Variants in CRHBP observed in about 807,000 individuals in gnomAD.
The protein encoded by CRHBP is corticotropin releasing hormone binding protein.
In CRHBP, 19 loss-of-function variants were observed where a neutral mutation model predicts 34.9. That is an observed-to-expected ratio of 0.55 (90% CI 0.38 to 0.80). The LOEUF is 0.80. CRHBP is among the 30% of genes least tolerant of loss of function. CRHBP has a pLI of 0.00. For missense variants in CRHBP, 328 were observed against 409.2 expected, an observed-to-expected ratio of 0.80 and a Z score of 1.71; for synonymous variants, 154 against 153.4, an observed-to-expected ratio of 1.00 and a Z score of -0.03.
At chr5:76,953,858 C>A (rs1353608092) in intron 2 of CRHBP, among the ~76,000 whole-genome samples, 164 bp downstream of exon 2, 1 of 152,090 alleles carries the variant, frequency 6.6e-6, no homozygotes, top group East Asian at 1.9e-4. Context: ...GCGCCAGGAG[C>A]GGGAGAGGGT....
intron 3 of CRHBP, chr5:76,976,584 G>C (rs1462936799): frequency 6.6e-6 from 1 of 152,214 alleles, no homozygotes; most frequent in Non-Finnish European, 1.5e-5. Context: ...ACTGCTCTGA[G>C]CAGCTTCGTT....
Position 76,954,117 on chromosome 5 carries a change from G to A in CRHBP, c.264G>A (p.Glu88=), listed in dbSNP as rs34347676. 6.2e-3 allele frequency: 10,069 copies of A among 1,614,016 alleles called. 502 individuals carry two copies. In the African/African-American group the frequency reaches 0.11, roughly 18 times the overall value. ...QLHCAAFFIS[E]PEEFITIHYD... is the part of the protein sequence containing the mutation. ...ACTGCGCAGCCTTCTTCATCAGCGA[G>A]CCCGAGGAGTTCATTACCATCCACT... The change falls in exon 3 of 7, where the codon GAG becomes GAA. Residue 88 remains glutamate, a synonymous_variant. Coordinates refer to ENST00000274368, the MANE Select transcript of CRHBP (RefSeq NM_001882.4).
chr5:76,957,076 C>G (rs907914587), intron 4 of CRHBP, among the ~76,000 whole-genome samples: 3 of 152,144 alleles, frequency 2.0e-5, no homozygotes, highest in Non-Finnish European at 4.4e-5. Context: ...CGTGGTGGCT[C>G]ATGCCTGTAA....
chr5:76,961,709 T>A (rs974626492), intron 5 of CRHBP, among the ~76,000 whole-genome samples: 1 of 152,174 alleles, frequency 6.6e-6, no homozygotes, highest in Non-Finnish European at 1.5e-5. Context: ...GCTGTTTAGT[T>A]CCAGTTGTAT....
intron 4 of CRHBP, 124 bp from the exon 5 acceptor site, chr5:76,958,617 T>G: frequency 9.2e-7 from 1 of 1,086,750 alleles, no homozygotes; most frequent in Non-Finnish European, 1.3e-6. Flanking sequence ...GTATATATGC[T>G]CTCTTCCTGG....
intron 6 of CRHBP, 48 bp from the exon 7 acceptor site, chr5:76,968,680 G>A: frequency 6.4e-7 from 1 of 1,560,062 alleles, no homozygotes; most frequent in Non-Finnish European, 8.7e-7. Flanking sequence ...TGATGACTGT[G>A]TGGTTTCTAA....
chr5:76,973,043 G>A (rs1179199037), downstream of CRHBP, among the ~76,000 whole-genome samples: 1 of 152,186 alleles, frequency 6.6e-6, no homozygotes, highest in East Asian at 1.9e-4. Context: ...CAAGAAGCCT[G>A]CATCTCTGAA....
At chr5:76,956,292 G>T (rs541256247) in intron 4 of CRHBP, among the ~76,000 whole-genome samples, 1 of 152,108 alleles carries the variant, frequency 6.6e-6, no homozygotes, top group Non-Finnish European at 1.5e-5. Flanking sequence ...GTGGTAGACC[G>T]ATGTCATGCC....
chr5:76,973,343 C>A (rs1017886436), downstream of CRHBP, among the ~76,000 whole-genome samples: 1 of 152,194 alleles, frequency 6.6e-6, no homozygotes, highest in South Asian at 2.1e-4. Context: ...AACCTTTCCA[C>A]ATTCTTTAAA....
chr5:76,971,686 T>A (rs1446871813), downstream of CRHBP, among the ~76,000 whole-genome samples: 1 of 152,234 alleles, frequency 6.6e-6, no homozygotes, highest in East Asian at 1.9e-4. Context: ...GGCACTGCAC[T>A]GCTCCAGGAC....
At position 76,968,820 on chromosome 5, in the gene CRHBP, G is replaced by C. The variant is rs771552936; in HGVS notation, c.904G>C (p.Glu302Gln). The C allele has an allele frequency of 2.5e-6, 4 of 1,614,170 alleles. No homozygotes were observed. The highest frequency in any genetic ancestry group is 3.4e-6 in the Non-Finnish European group (4 of 1,180,020). ...NRVTFEYRQL[E>Q]PYELENPNGN... is the part of the protein sequence containing the mutation. ...TGTGACTTTTGAGTATCGTCAGCTG[G>C]AGCCGTACGAGCTGGAAAACCCAAA... The change falls in exon 7 of 7, where the codon GAG (glutamate) becomes CAG (glutamine). Residue 302 changes from glutamate to glutamine, a missense_variant. Around this residue, in one of 3 missense-constraint regions of CRHBP, gnomAD observed 144 missense variants for 216.7 expected, o/e 0.66. Coordinates refer to ENST00000274368, the MANE Select transcript of CRHBP (RefSeq NM_001882.4).
intron 3 of CRHBP, among the ~76,000 whole-genome samples, chr5:76,979,515 T>TACTAAAAATAC (rs1746087459): frequency 6.6e-6 from 1 of 152,034 alleles, no homozygotes; most frequent in African/African-American, 2.4e-5. Flanking sequence ...CGCACCCAGC[T>TACTAAAAATAC]AGTTTTTGTA....
rs569805944 is a variant in CRHBP, at chr5:76,954,989, A to C, written c.334-664A>C. On this transcript the variant is annotated intron_variant, in intron 3 of 6. Coordinates refer to ENST00000274368, the MANE Select transcript of CRHBP (RefSeq NM_001882.4). ...TAATGTGGACTAGATTGGACTCGTTAAACTGGAGACCTGTGGTGATTTTGA... is the reference window on the plus strand; with the variant it reads ...TAATGTGGACTAGATTGGACTCGTTCAACTGGAGACCTGTGGTGATTTTGA... Among the ~76,000 whole-genome samples, 3 of 152,322 alleles carry C rather than the reference A, an allele frequency of 2.0e-5. No individual in the cohort carries two copies. The East Asian group carries it at 5.8e-4, about 29-fold the overall frequency.
chr5:76,962,300 G>T (rs941548798), intron 5 of CRHBP, among the ~76,000 whole-genome samples: 7 of 152,148 alleles, frequency 4.6e-5, no homozygotes, highest in Admixed American at 4.6e-4. Flanking sequence ...TTATGAAAAT[G>T]CAGCAGAACA....
chr5:76,974,699 A>G (rs552978441), intron 2 of CRHBP, among the ~76,000 whole-genome samples: 3 of 152,316 alleles, frequency 2.0e-5, no homozygotes, highest in Admixed American at 6.5e-5. Flanking sequence ...TGTATCTTCA[A>G]ATAAGTAGGT....
chr5:76,958,819 C>T lies in CRHBP; in HGVS notation c.623C>T (p.Ser208Phe), dbSNP rs1455434127. Residue 208 changes from serine to phenylalanine, a missense_variant, in exon 5 of 7, where the codon TCC becomes TTC. By Grantham distance (155) the Ser-to-Phe change is radical (BLOSUM62 -2). Transcript: ENST00000274368. ...CACCAGCATCGAAACTGCAGCTTCT[C>T]CATAATTTATCCTGTGGTGATCAAA... Reference protein sequence around the residue: ...VPHQHRNCSFSIIYPVVIKIS... With the variant: ...VPHQHRNCSFFIIYPVVIKIS... 2 of 1,614,000 alleles carry T rather than the reference C, an allele frequency of 1.2e-6. No individual in the cohort carries two copies. The highest frequency in any genetic ancestry group is 1.7e-6 in the Non-Finnish European group (2 of 1,180,000).
rs1181158879 is a variant in CRHBP, at chr5:76,953,635, T to C, written c.116T>C (p.Leu39Pro). The C allele has an allele frequency of 6.2e-7, 1 of 1,612,724 alleles. No homozygotes were observed. Among genetic ancestry groups the C allele is most frequent in the Non-Finnish European group, 8.5e-7 (1 of 1,179,606 alleles). Residue 39 changes from leucine (L) to proline (P), a missense_variant, in exon 2 of 7, where the codon CTC becomes CCC. Transcript: ENST00000274368. ...REAADYDPFLLFSANLKRELA... is the reference protein window; with the variant it reads ...REAADYDPFLPFSANLKRELA... ...GCGGCGGACTACGATCCTTTCCTGC[T>C]CTTCAGCGCCAACCTGAAGCGGGAG...
intron 6 of CRHBP, among the ~76,000 whole-genome samples, chr5:76,966,243 C>T (rs571315058): frequency 5.3e-5 from 8 of 152,304 alleles, no homozygotes; most frequent in South Asian, 2.1e-4. Context: ...GTCTCGAACT[C>T]CTGACCTCAG....
intron 6 of CRHBP, among the ~76,000 whole-genome samples, chr5:76,968,444 C>T (rs1422850789): frequency 6.6e-6 from 1 of 151,990 alleles, no homozygotes; most frequent in Non-Finnish European, 1.5e-5. Context: ...CAAAAAAGGC[C>T]GAGGAGACAT....
Sources: gnomAD v4.1 joint callset for allele counts (sites outside exome capture counted in the v4.1 genomes callset) on GRCh38, gnomAD v4.1.1 for gene constraint, gnomAD v4.1.1 regional missense constraint, MANE v1.5 for transcripts, NCBI Gene and HGNC (gene_info 2026-07-23, HGNC 2026-07-21) for gene names.